The following SMCO2 variants were observed in gnomAD, a reference collection of about 807,000 sequenced individuals.
SMCO2 encodes single-pass membrane and coiled-coil domain-containing protein 2.
SMCO2 carries 25 observed loss-of-function variants against 29.5 expected under a neutral mutation model. That is an observed-to-expected ratio of 0.85 (90% CI 0.62 to 1.18). SMCO2 has a LOEUF of 1.18. Among genes scored for constraint, SMCO2 ranks in the 50% most tolerant of loss-of-function variants. SMCO2 has a pLI of 0.00. For synonymous variants in SMCO2, 117 were observed against 123.3 expected (o/e 0.95, Z 0.34); for missense variants, 348 against 344.5 (o/e 1.01, Z -0.08).
intron 4 of SMCO2, among the ~76,000 whole-genome samples, chr12:27,482,283 C>A (rs425633): frequency 0.12 from 18,403 of 151,984 alleles, 2,156 homozygotes; most frequent in African/African-American, 0.28. Flanking sequence ...ATTTTTATAT[C>A]TGTAAATATA....
the SMCO2 span, among the ~76,000 whole-genome samples, chr12:27,441,859 A>G: frequency 7.2e-5 from 11 of 152,254 alleles, no homozygotes; most frequent in Non-Finnish European, 2.9e-5. Flanking sequence ...AATCATGTCA[A>G]GTATCTTCTC....
At chr12:27,468,143 C>T (rs306638) in intron 1 of SMCO2, among the ~76,000 whole-genome samples, 19,743 of 151,988 alleles carry the variant, frequency 0.13, 1,601 homozygotes, top group African/African-American at 0.23. Flanking sequence ...AAGATAAGGC[C>T]CAGCTGTGAA....
the SMCO2 span, among the ~76,000 whole-genome samples, chr12:27,450,050 T>C: frequency 6.6e-6 from 1 of 152,186 alleles, no homozygotes; most frequent in East Asian, 1.9e-4. Context: ...AAGTCAATCT[T>C]ATCAAATGCT....
chr12:27,498,988 G>A (rs1323370007), intron 7 of SMCO2, among the ~76,000 whole-genome samples: 1 of 150,690 alleles, frequency 6.6e-6, no homozygotes, highest in Non-Finnish European at 1.5e-5. Flanking sequence ...TATATCACTG[G>A]TGGGATTGCG....
At chr12:27,465,199 A>G (rs1949489804), upstream of SMCO2, among the ~76,000 whole-genome samples, 1 of 152,194 alleles carries the variant, frequency 6.6e-6, no homozygotes, top group Non-Finnish European at 1.5e-5. Flanking sequence ...TTTAAATCCA[A>G]GATCCCTTCC....
At chr12:27,426,238 G>A in the SMCO2 span, among the ~76,000 whole-genome samples, 1 of 152,202 alleles carries the variant, frequency 6.6e-6, no homozygotes, top group Non-Finnish European at 1.5e-5. Context: ...AATTGCATAT[G>A]GGAAATGTTG....
intron 4 of SMCO2, among the ~76,000 whole-genome samples, chr12:27,485,698 C>T (rs1230237891): frequency 6.6e-6 from 1 of 152,136 alleles, no homozygotes; most frequent in African/African-American, 2.4e-5. Context: ...CGGCCCACCT[C>T]AGCCTCCCAA....
the SMCO2 span, among the ~76,000 whole-genome samples, chr12:27,452,129 G>A: frequency 4.0e-3 from 603 of 152,244 alleles, 3 homozygotes; most frequent in African/African-American, 0.014. Flanking sequence ...GAAGGATTGC[G>A]GAGTCATAGG....
chr12:27,478,557 C>G (rs1454066009), intron 4 of SMCO2, among the ~76,000 whole-genome samples: 1 of 152,092 alleles, frequency 6.6e-6, no homozygotes, highest in Non-Finnish European at 1.5e-5. Context: ...TGGCAGTGAG[C>G]TGGGGGGGCC....
intron 3 of SMCO2, 67 bp downstream of exon 3, chr12:27,472,942 C>T (rs928410966): frequency 6.1e-6 from 7 of 1,142,604 alleles, no homozygotes; most frequent in African/African-American, 1.6e-5. Context: ...AAGAACTTCA[C>T]GCCGCATATC....
At chr12:27,448,350 G>A in the SMCO2 span, among the ~76,000 whole-genome samples, 967 of 152,262 alleles carry the variant, frequency 6.4e-3, 14 homozygotes, top group East Asian at 0.021. Flanking sequence ...AGTGCCCTCC[G>A]CCTTAGTTCT....
chr12:27,498,148 G>T, intron 7 of SMCO2: 1 of 363,034 alleles, frequency 2.8e-6, no homozygotes, highest in African/African-American at 2.2e-5. Flanking sequence ...CCCATAACCG[G>T]TTGAGTGACA....
chr12:27,463,967 A>C (rs1949477827), upstream of SMCO2, among the ~76,000 whole-genome samples: 1 of 152,340 alleles, frequency 6.6e-6, no homozygotes, highest in Non-Finnish European at 1.5e-5. Context: ...GCAGAGCCTG[A>C]GGATGTCAGA....
chr12:27,491,364 A>G (rs1949733854), intron 5 of SMCO2, among the ~76,000 whole-genome samples: 2 of 152,282 alleles, frequency 1.3e-5, no homozygotes, highest in African/African-American at 4.8e-5. Flanking sequence ...TAGAATTTCC[A>G]TGTGAATTTC....
At chr12:27,459,627 TTAAAA>T in the SMCO2 span, among the ~76,000 whole-genome samples, 4 of 152,252 alleles carry the variant, frequency 2.6e-5, no homozygotes, top group South Asian at 4.1e-4. Context: ...AAAATAAAAG[TTAAAA>T]TAAATAAATA....
intron 4 of SMCO2, among the ~76,000 whole-genome samples, chr12:27,479,337 G>GT (rs993394864): frequency 6.6e-6 from 1 of 151,762 alleles, no homozygotes; most frequent in African/African-American, 2.4e-5. Context: ...GTAGTGGCTA[G>GT]TGGGTGGACC....
At chr12:27,479,806 A>G (rs1949625278) in intron 4 of SMCO2, among the ~76,000 whole-genome samples, 1 of 152,166 alleles carries the variant, frequency 6.6e-6, no homozygotes, top group South Asian at 2.1e-4. Context: ...ATCTTCCACC[A>G]TGATTGTGAG....
At chr12:27,453,976 C>T in the SMCO2 span, among the ~76,000 whole-genome samples, 1 of 152,080 alleles carries the variant, frequency 6.6e-6, no homozygotes, top group Admixed American at 6.6e-5. Flanking sequence ...TAGACTTTCT[C>T]TATGAATCTC....
At chr12:27,457,488 T>C in the SMCO2 span, among the ~76,000 whole-genome samples, 1 of 152,224 alleles carries the variant, frequency 6.6e-6, no homozygotes, top group Non-Finnish European at 1.5e-5. Context: ...TACATAGTCT[T>C]TTGTGAGTTT....
Sources: allele counts gnomAD v4.1 joint callset (sites outside exome capture counted in the v4.1 genomes callset), GRCh38; gene constraint gnomAD v4.1.1; transcripts MANE v1.5; gene names NCBI Gene and HGNC (gene_info 2026-07-23, HGNC 2026-07-21).